ANKRD44: variants seen among roughly 807,000 people sequenced by gnomAD.
ANKRD44 encodes ankyrin repeat domain 44.
In ANKRD44, 35 loss-of-function variants were observed where a neutral mutation model predicts 116.0. The observed-to-expected ratio is 0.30, with a 90% confidence interval of 0.23 to 0.40. The LOEUF (loss-of-function observed/expected upper bound fraction) is 0.40, where lower values mean the gene tolerates loss of function less well. ANKRD44 is among the 10% of genes least tolerant of loss of function. The probability of loss-of-function intolerance (pLI) is 1.00; values close to 1 mark genes in which losing one functional copy is unlikely to be tolerated. For synonymous variants in ANKRD44, 435 were observed against 461.8 expected (o/e 0.94, Z 0.74); for missense variants, 1,014 against 1,242.6 (o/e 0.82, Z 2.77).
At chr2:197,149,780 T>C (rs1453907394) in intron 2 of ANKRD44, among the ~76,000 whole-genome samples, 1 of 152,164 alleles carries the variant, frequency 6.6e-6, no homozygotes, top group Non-Finnish European at 1.5e-5. Flanking sequence ...CGAGCCACAG[T>C]AATCACCATG....
At chr2:197,134,842 C>T (rs2079180586) in intron 4 of ANKRD44, 1 of 152,140 alleles carries the variant, frequency 6.6e-6, no homozygotes, top group Admixed American at 6.5e-5. Flanking sequence ...CTTAAATTTA[C>T]TAAAGACCAA....
In ANKRD44 at chr2:197,278,071, C is replaced by T. The variant is rs137956371; in HGVS notation, c.27+32507G>A. 5.3e-5 allele frequency among the ~76,000 whole-genome samples: 8 copies of T among 152,168 alleles called. No homozygotes were observed. In the East Asian group the frequency reaches 7.7e-4, roughly 15 times the overall value. ...CCACCTAATCAGAGAGCCATCTTAA[C>T]GCAGCATCTCCCAAGGCAGCAAATT... On this transcript the variant is annotated intron_variant, in intron 1 of 27. Coordinates refer to ENST00000282272, the MANE Select transcript of ANKRD44 (RefSeq NM_001195144.2).
At chr2:197,064,302 C>T (rs1401505202) in intron 16 of ANKRD44, among the ~76,000 whole-genome samples, 1 of 152,114 alleles carries the variant, frequency 6.6e-6, no homozygotes, top group Non-Finnish European at 1.5e-5. Flanking sequence ...CTGAAGGAAG[C>T]ACTAAACATG....
chr2:197,032,544 A>G (rs969125780), intron 16 of ANKRD44, among the ~76,000 whole-genome samples: 2 of 151,844 alleles, frequency 1.3e-5, no homozygotes, highest in Non-Finnish European at 2.9e-5. Context: ...ACCCGCCACC[A>G]CGCCTGGCTA....
At chr2:197,237,500 C>T (rs1171638054) in intron 1 of ANKRD44, among the ~76,000 whole-genome samples, 2 of 152,216 alleles carry the variant, frequency 1.3e-5, no homozygotes, top group African/African-American at 4.8e-5. Flanking sequence ...AACATGTGCT[C>T]ATTAAAAATA....
At chr2:197,207,911 A>G (rs1043321832) in intron 1 of ANKRD44, among the ~76,000 whole-genome samples, 14 of 152,318 alleles carry the variant, frequency 9.2e-5, no homozygotes, top group Middle Eastern at 3.4e-3. Context: ...GGATTCCTAA[A>G]AGTAAAATTC....
chr2:197,041,139 C>T (rs1022214070), intron 16 of ANKRD44, among the ~76,000 whole-genome samples: 1 of 152,132 alleles, frequency 6.6e-6, no homozygotes, highest in Non-Finnish European at 1.5e-5. Context: ...GGTGCCTTTC[C>T]CTTCTTCCAA....
chr2:197,101,595 T>C (rs1377328163), intron 9 of ANKRD44, among the ~76,000 whole-genome samples: 2 of 152,156 alleles, frequency 1.3e-5, no homozygotes, highest in African/African-American at 4.8e-5. Context: ...ATGTTATGTA[T>C]ATTTTACCAC....
chr2:197,206,063 A>G (rs11885072), intron 1 of ANKRD44, among the ~76,000 whole-genome samples: 32,854 of 152,108 alleles, frequency 0.22, 3,772 homozygotes, highest in Middle Eastern at 0.28. Context: ...ACATATGCAG[A>G]TGCACATTTT....
chr2:197,075,328 C>A (rs568771283), intron 16 of ANKRD44, among the ~76,000 whole-genome samples: 25 of 152,198 alleles, frequency 1.6e-4, no homozygotes, highest in African/African-American at 5.3e-4. Flanking sequence ...CTTTTCAGAG[C>A]CAGTAAGAAT....
intron 9 of ANKRD44, among the ~76,000 whole-genome samples, chr2:197,107,640 CA>C (rs747278578): frequency 6.6e-5 from 10 of 152,148 alleles, no homozygotes; most frequent in Non-Finnish European, 1.3e-4. Flanking sequence ...GTCCAAACAC[CA>C]ATGCAATTTA....
At chr2:197,054,355 T>A (rs1200698725) in intron 16 of ANKRD44, among the ~76,000 whole-genome samples, 2 of 150,132 alleles carry the variant, frequency 1.3e-5, no homozygotes, top group South Asian at 4.3e-4. Flanking sequence ...CTTATGCATA[T>A]GAAAGCAGGA....
At chr2:197,218,891 C>T (rs1296464188) in intron 1 of ANKRD44, among the ~76,000 whole-genome samples, 1 of 149,864 alleles carries the variant, frequency 6.7e-6, no homozygotes, top group African/African-American at 2.5e-5. Flanking sequence ...TCCCAAGTAG[C>T]TGGTATTACA....
rs1006845219 is a variant in ANKRD44, at chr2:197,155,361, G to A, written c.112-8256C>T. Among the ~76,000 whole-genome samples the A allele has an allele frequency of 2.6e-5, 4 of 152,014 alleles. No individual in the cohort carries two copies. The South Asian group carries it at 8.3e-4, about 31-fold the overall frequency. On this transcript the variant is annotated intron_variant, in intron 2 of 27. Transcript: ENST00000282272. ...TTGTTCACGCTCTTGCTGGCTTTTGGATGGTTACAAGCCTTGGTAAATACA... is the reference window on the plus strand; with the variant it reads ...TTGTTCACGCTCTTGCTGGCTTTTGAATGGTTACAAGCCTTGGTAAATACA...
At chr2:197,158,716 G>A (rs1248239066) in intron 2 of ANKRD44, among the ~76,000 whole-genome samples, 1 of 152,106 alleles carries the variant, frequency 6.6e-6, no homozygotes, top group Non-Finnish European at 1.5e-5. Context: ...AGAGACATCC[G>A]GAGAGTTTAA....
chr2:197,111,453 A>T (rs984565765), intron 8 of ANKRD44, among the ~76,000 whole-genome samples: 2 of 152,184 alleles, frequency 1.3e-5, no homozygotes, highest in Admixed American at 1.3e-4. Flanking sequence ...AGCCCGGCCA[A>T]CATGGTGAAA....
chr2:196,978,868 G>A (rs1574211364), intron 21 of ANKRD44, among the ~76,000 whole-genome samples: 1 of 143,510 alleles, frequency 7.0e-6, no homozygotes, highest in Admixed American at 7.0e-5. Context: ...AATATTTACA[G>A]ACCCTGAAGA....
chr2:197,085,647 G>A lies in ANKRD44; in HGVS notation c.1316+1033C>T, dbSNP rs566883684. On this transcript the variant is annotated intron_variant, in intron 13 of 27. Coordinates refer to ENST00000282272, the MANE Select transcript of ANKRD44 (RefSeq NM_001195144.2). ...GTTTACAAATGCCATGGCAACATCA[G>A]GAAGTTACCCTATATGGTCTAAAAA... Among the ~76,000 whole-genome samples, 3 of 152,208 alleles carry A rather than the reference G, an allele frequency of 2.0e-5. No homozygotes were observed. The South Asian group carries it at 6.2e-4, about 32-fold the overall frequency.
At chr2:197,089,703 C>A (rs908081576) in intron 11 of ANKRD44, among the ~76,000 whole-genome samples, 2 of 152,204 alleles carry the variant, frequency 1.3e-5, no homozygotes, top group Admixed American at 1.3e-4. Flanking sequence ...CCCTGGAACA[C>A]CCAAGCTTTT....
Sources: gnomAD v4.1 joint callset for allele counts (sites outside exome capture counted in the v4.1 genomes callset) on GRCh38, gnomAD v4.1.1 for gene constraint, MANE v1.5 for transcripts, NCBI Gene and HGNC (gene_info 2026-07-23, HGNC 2026-07-21) for gene names.